Variants in FAM107B observed in about 807,000 individuals in gnomAD.
FAM107B encodes family with sequence similarity 107 member B.
FAM107B carries 21 observed loss-of-function variants against 31.5 expected under a neutral mutation model. The ratio of observed to expected loss-of-function variants is 0.67; its 90% CI spans 0.47 to 0.96. FAM107B has a LOEUF of 0.96. Among genes scored for constraint, FAM107B ranks in the 40% least tolerant of loss-of-function variants. The pLI is 0.00. For synonymous variants in FAM107B, 157 were observed against 141.5 expected (o/e 1.11, Z -0.78); for missense variants, 452 against 377.1 (o/e 1.20, Z -1.64).
chr10:14,648,891 CAG>C (rs1853832278), intron 2 of FAM107B, among the ~76,000 whole-genome samples: 1 of 152,212 alleles, frequency 6.6e-6, no homozygotes, highest in Non-Finnish European at 1.5e-5. Context: ...AAAAAAGACA[CAG>C]AGACAATTCC....
chr10:14,702,604 C>T (rs1208471377), intron 1 of FAM107B, among the ~76,000 whole-genome samples: 1 of 152,176 alleles, frequency 6.6e-6, no homozygotes, highest in Non-Finnish European at 1.5e-5. Flanking sequence ...CCCACTTTGG[C>T]CTCCCAAAGT....
intron 2 of FAM107B, among the ~76,000 whole-genome samples, chr10:14,618,373 T>G (rs1852906547): frequency 6.6e-6 from 1 of 152,028 alleles, no homozygotes; most frequent in Non-Finnish European, 1.5e-5. Flanking sequence ...CTCACACAGG[T>G]CTGTGTGAGA....
rs1262781123 is a variant in FAM107B, at chr10:14,767,047, TATATATATAGAGAGAGAGAG to T, written c.411+7186_411+7205del. Among the ~76,000 whole-genome samples, 170 of 38,220 alleles carry T rather than the reference TATATATATAGAGAGAGAGAG, an allele frequency of 4.4e-3. 2 individuals are homozygous for T. The East Asian group carries it at 0.049, about 11-fold the overall frequency. The allele number at this position is 38,220 out of a possible 152,430, so 25.1% of individuals were successfully genotyped here. A position where few individuals can be genotyped will look rare whatever the true frequency, so the allele number is the denominator to read the frequency against. ...ATGTATATATATATATATATATATATATATATATAGAGAGAGAGAGAGAGAGAGAGAGAGAGAGAGAGAGA... is the reference window on the plus strand; with the variant it reads ...ATGTATATATATATATATATATATATAGAGAGAGAGAGAGAGAGAGAGAGA... On this transcript the variant is annotated intron_variant, in intron 1 of 4. Transcript: ENST00000181796.
intron 1 of FAM107B, among the ~76,000 whole-genome samples, chr10:14,739,602 T>C (rs969417497): frequency 1.3e-5 from 2 of 151,312 alleles, no homozygotes; most frequent in Non-Finnish European, 2.9e-5. Flanking sequence ...GCCTGGCATA[T>C]AGTAAGTGTT....
intron 1 of FAM107B, among the ~76,000 whole-genome samples, chr10:14,669,362 T>C (rs1001934875): frequency 1.6e-5 from 1 of 60,956 alleles, no homozygotes; most frequent in Non-Finnish European, 3.8e-5. Context: ...AGAGCGAGAC[T>C]CTGTCAAAAA....
chr10:14,529,574 T>A (rs1157191796), intron 3 of FAM107B: 2 of 151,988 alleles, frequency 1.3e-5, no homozygotes, highest in Admixed American at 1.3e-4. Flanking sequence ...TAGCAAAGAG[T>A]GGGCAAATGA....
At chr10:14,571,139 G>A (rs1005275640) in intron 2 of FAM107B, among the ~76,000 whole-genome samples, 4 of 152,032 alleles carry the variant, frequency 2.6e-5, no homozygotes, top group African/African-American at 9.7e-5. Context: ...GTCCTCACAT[G>A]GTGGACAGCA....
intron 1 of FAM107B, among the ~76,000 whole-genome samples, chr10:14,745,685 T>C (rs967313846): frequency 6.6e-5 from 10 of 152,200 alleles, no homozygotes; most frequent in Non-Finnish European, 1.5e-4. Flanking sequence ...ATTATCTCTG[T>C]TATTTTGCAT....
chr10:14,704,538 G>A (rs1169863994), intron 1 of FAM107B, among the ~76,000 whole-genome samples: 1 of 152,186 alleles, frequency 6.6e-6, no homozygotes, highest in East Asian at 1.9e-4. Flanking sequence ...CCAAGACTGG[G>A]CAGCCTTCAA....
chr10:14,688,650 A>C (rs947395087), intron 1 of FAM107B, among the ~76,000 whole-genome samples: 4 of 152,230 alleles, frequency 2.6e-5, no homozygotes, highest in African/African-American at 9.7e-5. Context: ...GCTTCCAGAA[A>C]GCAAAGAGAT....
chr10:14,755,973 T>C (rs1162844189), intron 1 of FAM107B, among the ~76,000 whole-genome samples: 1 of 152,142 alleles, frequency 6.6e-6, no homozygotes, highest in African/African-American at 2.4e-5. Flanking sequence ...TACACTACTA[T>C]ATATTTGTTT....
chr10:14,701,043 C>CT (rs1855387750), intron 1 of FAM107B, among the ~76,000 whole-genome samples: 1 of 151,892 alleles, frequency 6.6e-6, no homozygotes, highest in East Asian at 1.9e-4. Flanking sequence ...TCCACCACTG[C>CT]TTTTTTATGG....
In FAM107B at chr10:14,519,357, C is replaced by T. The variant is rs537536696; in HGVS notation, c.*1833G>A. The T allele has an allele frequency of 6.6e-6, 1 of 152,230 alleles. No homozygotes were observed. The highest frequency in any genetic ancestry group is 2.4e-5 in the African/African-American group (1 of 41,516). 9.4% of individuals were successfully genotyped at this position (152,230 alleles called of 1,614,324 possible). A position where few individuals can be genotyped will look rare whatever the true frequency, so the allele number is the denominator to read the frequency against. On this transcript the variant is annotated 3_prime_UTR_variant, in exon 5 of 5. Transcript: ENST00000181796. ...AATCTTCATTTTACAAACAGCATCG[C>T]TAGTCCACAGACACAAAGAAAGAAT... is the stretch of plus-strand genomic sequence containing the variant.
At chr10:14,589,174 A>C (rs75133121) in intron 2 of FAM107B, among the ~76,000 whole-genome samples, 1 of 98,430 alleles carries the variant, frequency 1.0e-5, no homozygotes, top group Non-Finnish European at 2.3e-5. Context: ...AGACTGTCTC[A>C]AAAAAAAAAA....
At chr10:14,596,368 C>G (rs544737628) in intron 2 of FAM107B, among the ~76,000 whole-genome samples, 3 of 152,276 alleles carry the variant, frequency 2.0e-5, no homozygotes, top group African/African-American at 7.2e-5. Context: ...TCCATGCAGG[C>G]AGGGAGTCTG....
rs568442068 is a variant in FAM107B, at chr10:14,703,471, G to A, written c.412-35780C>T. On this transcript the variant is annotated intron_variant, in intron 1 of 4. Transcript: ENST00000181796. ...GTGCCTCAGCCTCCCAAGTAGCTGG[G>A]ACTACAGGCGTGCGTCATCACCCCT... Among the ~76,000 whole-genome samples, 5 of 152,050 alleles carry A rather than the reference G, an allele frequency of 3.3e-5. No homozygotes were observed. In the East Asian group the frequency reaches 7.7e-4, roughly 24 times the overall value.
intron 1 of FAM107B, among the ~76,000 whole-genome samples, chr10:14,671,878 AAAAAAAC>A (rs1197866621): frequency 1.3e-4 from 9 of 68,086 alleles, no homozygotes; most frequent in Admixed American, 1.2e-3. Context: ...TATTTAAAAA[AAAAAAAC>A]AAAAAAACAA....
At chr10:14,546,601 A>C (rs1325331117) in intron 2 of FAM107B, among the ~76,000 whole-genome samples, 1 of 152,214 alleles carries the variant, frequency 6.6e-6, no homozygotes, top group African/African-American at 2.4e-5. Flanking sequence ...TAAAATTTGC[A>C]TTATTACCAT....
intron 1 of FAM107B, among the ~76,000 whole-genome samples, chr10:14,772,596 G>T (rs370434020): frequency 1.3e-5 from 2 of 151,970 alleles, no homozygotes; most frequent in Non-Finnish European, 2.9e-5. Context: ...GGTTTGGACC[G>T]CACAGTCAAC....
Sources: allele counts gnomAD v4.1 joint callset (sites outside exome capture counted in the v4.1 genomes callset), GRCh38; gene constraint gnomAD v4.1.1; transcripts MANE v1.5; gene names NCBI Gene and HGNC (gene_info 2026-07-23, HGNC 2026-07-21).